Variants in CEP83 observed in about 807,000 individuals in gnomAD.
The protein encoded by CEP83 is centrosomal protein 83.
CEP83 carries 70 observed loss-of-function variants against 101.9 expected under a neutral mutation model. The observed-to-expected ratio is 0.69, with a 90% CI of 0.57 to 0.84. The LOEUF is 0.84. Among genes scored for constraint, CEP83 ranks in the 40% least tolerant of loss-of-function variants. The pLI is 0.00. For synonymous variants in CEP83, 264 were observed against 267.9 expected, an observed-to-expected ratio of 0.99 and a Z score of 0.14; for missense variants, 715 against 787.2, an observed-to-expected ratio of 0.91 and a Z score of 1.10.
At chr12:94,388,498 G>A (rs1010773143) in intron 6 of CEP83, among the ~76,000 whole-genome samples, 2 of 152,090 alleles carry the variant, frequency 1.3e-5, no homozygotes, top group African/African-American at 4.8e-5. Flanking sequence ...TCAGTATCTA[G>A]GTGACGGAAT....
chr12:94,335,718 T>G, intron 11 of CEP83, 54 bp from the exon 12 acceptor site: 1 of 1,172,862 alleles, frequency 8.5e-7, no homozygotes. Context: ...ATTCATTTAT[T>G]TCACTGAATT....
chr12:94,368,279 A>G (rs2061122258), intron 9 of CEP83, 78 bp from the exon 10 acceptor site: 2 of 1,075,412 alleles, frequency 1.9e-6, no homozygotes, highest in East Asian at 2.5e-5. Context: ...GCAAGCATTC[A>G]TAAGCTGGTA....
At chr12:94,327,675 T>C (rs2059029639) in intron 14 of CEP83, among the ~76,000 whole-genome samples, 1 of 152,222 alleles carries the variant, frequency 6.6e-6, no homozygotes, top group African/African-American at 2.4e-5. Context: ...AAATACTTCA[T>C]AGTTTTCTTT....
chr12:94,428,480 CTGATTT>C (rs2065375525), intron 2 of CEP83, among the ~76,000 whole-genome samples: 1 of 152,086 alleles, frequency 6.6e-6, no homozygotes, highest in Non-Finnish European at 1.5e-5. Context: ...TAAATAAATC[CTGATTT>C]AATTTTACTT....
At chr12:94,354,329 G>A (rs867480635) in intron 11 of CEP83, among the ~76,000 whole-genome samples, 31 of 151,754 alleles carry the variant, frequency 2.0e-4, no homozygotes, top group Admixed American at 4.6e-4. Flanking sequence ...TTACTGTCAC[G>A]CACCACCAAA....
intron 1 of CEP83, among the ~76,000 whole-genome samples, chr12:94,436,039 C>G (rs1008011395): frequency 9.9e-5 from 15 of 151,864 alleles, no homozygotes; most frequent in African/African-American, 3.6e-4. Context: ...GGGGGTGACT[C>G]CACATCAAGG....
At chr12:94,341,475 C>T (rs2059684753) in intron 11 of CEP83, among the ~76,000 whole-genome samples, 1 of 151,472 alleles carries the variant, frequency 6.6e-6, no homozygotes, top group East Asian at 1.9e-4. Context: ...CAAAATAGAC[C>T]TGGTTGATGT....
chr12:94,281,313 T>A, the CEP83 span, among the ~76,000 whole-genome samples: 1 of 151,612 alleles, frequency 6.6e-6, no homozygotes, highest in African/African-American at 2.4e-5. Flanking sequence ...AAAAAAGAAA[T>A]CCAACACCAG....
the CEP83 span, among the ~76,000 whole-genome samples, chr12:94,275,444 T>C: frequency 6.6e-6 from 1 of 152,186 alleles, no homozygotes; most frequent in Non-Finnish European, 1.5e-5. Flanking sequence ...CTGTCTGACA[T>C]GGCACAGGCA....
intron 1 of CEP83, among the ~76,000 whole-genome samples, chr12:94,439,720 C>T (rs2066258162): frequency 6.6e-6 from 1 of 151,986 alleles, no homozygotes; most frequent in African/African-American, 2.4e-5. Context: ...ATAGCAAAAC[C>T]AGGAAAGGAC....
At chr12:94,297,428 A>C in the CEP83 span, 1 of 1,603,010 alleles carries the variant, frequency 6.2e-7, no homozygotes, top group Non-Finnish European at 8.5e-7. Flanking sequence ...ACCAAGGTAC[A>C]CTTACTGTTC....
chr12:94,325,971 A>G (rs887093572), intron 14 of CEP83, among the ~76,000 whole-genome samples: 1 of 152,190 alleles, frequency 6.6e-6, no homozygotes, highest in Admixed American at 6.5e-5. Context: ...GTCCCCTTCA[A>G]TCATACCTGA....
intron 6 of CEP83, among the ~76,000 whole-genome samples, chr12:94,385,214 TC>T (rs1438973208): frequency 6.6e-6 from 1 of 152,152 alleles, no homozygotes; most frequent in African/African-American, 2.4e-5. Context: ...AACTGACACC[TC>T]CCTGGATGGG....
intron 8 of CEP83, among the ~76,000 whole-genome samples, chr12:94,371,699 G>T (rs995685891): frequency 1.1e-4 from 16 of 152,126 alleles, no homozygotes; most frequent in Non-Finnish European, 2.1e-4. Context: ...CTGGAGTTGG[G>T]AGTCAGACAC....
Position 94,335,600 on chromosome 12 carries a change from C to T in CEP83, c.1408G>A (p.Asp470Asn). The change falls in exon 12 of 17, where the codon GAC (aspartate) becomes AAC (asparagine). Residue 470 changes from aspartate to asparagine, a missense_variant. Physicochemically the swap from Asp to Asn is conservative, Grantham distance 23. Coordinates refer to ENST00000397809, the MANE Select transcript of CEP83 (RefSeq NM_016122.3). ...CGCTAAAATCATACCTGTTTTAGGT[C>T]AGAATTTTCATTTTTTTCCTTCTCT... ...NAEKEKNENS[D>N]LKQQISSLQI... The T allele has an allele frequency of 6.4e-7, 1 of 1,571,410 alleles. No homozygotes were observed. The highest frequency in any genetic ancestry group is 8.7e-7 in the Non-Finnish European group (1 of 1,152,872).
chr12:94,407,471 T>C (rs935112251), intron 4 of CEP83, among the ~76,000 whole-genome samples: 2 of 152,206 alleles, frequency 1.3e-5, no homozygotes, highest in African/African-American at 4.8e-5. Context: ...TCTAGCATTA[T>C]ATGTTCAATT....
intron 5 of CEP83, chr12:94,402,418 AT>A (rs2063308088): frequency 6.6e-6 from 1 of 152,274 alleles, no homozygotes; most frequent in Non-Finnish European, 1.5e-5. Flanking sequence ...AGAAAAAAAA[AT>A]AAAAAACAGA....
intron 11 of CEP83, among the ~76,000 whole-genome samples, chr12:94,359,050 C>T (rs1000007225): frequency 6.6e-6 from 1 of 152,268 alleles, no homozygotes; most frequent in Non-Finnish European, 1.5e-5. Context: ...AGGGTGTGTT[C>T]CTGCTGCAAT....
intron 14 of CEP83, among the ~76,000 whole-genome samples, chr12:94,327,889 T>C (rs896118127): frequency 2.0e-5 from 3 of 152,202 alleles, no homozygotes; most frequent in African/African-American, 7.2e-5. Context: ...AGAGTCCACA[T>C]AAATCACCCA....
Sources: allele counts gnomAD v4.1 joint callset (sites outside exome capture counted in the v4.1 genomes callset), GRCh38; gene constraint gnomAD v4.1.1; transcripts MANE v1.5; gene names NCBI Gene and HGNC (gene_info 2026-07-23, HGNC 2026-07-21).